The following PECR variants were observed in gnomAD, a reference collection of about 807,000 sequenced individuals.
The protein encoded by PECR is peroxisomal trans-2-enoyl-CoA reductase.
Under a neutral mutation model 35.3 loss-of-function variants are expected in PECR, and 30 were observed. The ratio of observed to expected loss-of-function variants is 0.85; its 90% CI spans 0.64 to 1.15. The LOEUF (loss-of-function observed/expected upper bound fraction) is 1.15. PECR is among the 50% of genes most tolerant of loss of function. PECR has a pLI of 0.00. For synonymous variants in PECR, 148 were observed against 138.9 expected, an observed-to-expected ratio of 1.07 and a Z score of -0.46; for missense variants, 392 against 370.8, an observed-to-expected ratio of 1.06 and a Z score of -0.47.
At chr2:216,029,968 A>G (rs903902517) in intron 7 of PECR, among the ~76,000 whole-genome samples, 29 of 152,308 alleles carry the variant, frequency 1.9e-4, no homozygotes, top group African/African-American at 6.5e-4. Flanking sequence ...TGGTGGTCAC[A>G]TGGGCTTCTC....
chr2:216,062,290 C>T (rs1315564027), intron 3 of PECR, among the ~76,000 whole-genome samples: 1 of 152,120 alleles, frequency 6.6e-6, no homozygotes, highest in African/African-American at 2.4e-5. Context: ...AAGTGATCCG[C>T]CCACCTCGGC....
chr2:216,040,463 A>G (rs1218319539), intron 7 of PECR, among the ~76,000 whole-genome samples: 1 of 152,140 alleles, frequency 6.6e-6, no homozygotes, highest in Non-Finnish European at 1.5e-5. Context: ...CAGGTTGCCC[A>G]GGCTGGTCTT....
intron 1 of PECR, among the ~76,000 whole-genome samples, chr2:216,080,418 ATTGAT>A (rs1159967699): frequency 6.6e-6 from 1 of 152,186 alleles, no homozygotes; most frequent in Non-Finnish European, 1.5e-5. Flanking sequence ...TTTCATTGTT[ATTGAT>A]TTAACTATTT....
At chr2:216,077,089 G>C (rs376494207) in intron 1 of PECR, among the ~76,000 whole-genome samples, 1 of 151,744 alleles carries the variant, frequency 6.6e-6, no homozygotes, top group Non-Finnish European at 1.5e-5. Context: ...AGTAGAGATG[G>C]GGTTTCTATA....
intron 7 of PECR, among the ~76,000 whole-genome samples, chr2:216,029,218 G>A (rs1020827680): frequency 6.6e-5 from 10 of 152,118 alleles, no homozygotes; most frequent in Admixed American, 4.6e-4. Flanking sequence ...GGTGGCTCAC[G>A]CCTGTAATCC....
chr2:216,063,826 T>G (rs548986816), intron 3 of PECR: 9 of 152,020 alleles, frequency 5.9e-5, no homozygotes, highest in Non-Finnish European at 8.8e-5. Context: ...CAAGAGATTC[T>G]CCTGCCTCAG....
At chr2:216,049,146 T>C in intron 6 of PECR, 117 bp downstream of exon 6, 1 of 760,422 alleles carries the variant, frequency 1.3e-6, no homozygotes, top group Non-Finnish European at 2.5e-6. Flanking sequence ...ACAGGGGAAA[T>C]GTTCTGCTGG....
intron 1 of PECR, among the ~76,000 whole-genome samples, chr2:216,077,066 A>G (rs1695718030): frequency 6.6e-6 from 1 of 151,578 alleles, no homozygotes; most frequent in African/African-American, 2.4e-5. Context: ...CGCCTGGCTA[A>G]TTTTGTATTT....
At chr2:216,060,010 C>G (rs998206975) in intron 3 of PECR, among the ~76,000 whole-genome samples, 1 of 152,208 alleles carries the variant, frequency 6.6e-6, no homozygotes, top group Non-Finnish European at 1.5e-5. Flanking sequence ...ATTGGACCTT[C>G]TAACCCATAA....
chr2:216,048,824 A>G (rs1356992268), intron 6 of PECR, among the ~76,000 whole-genome samples: 1 of 130,584 alleles, frequency 7.7e-6, no homozygotes, highest in African/African-American at 2.9e-5. Context: ...CCTGTAACAG[A>G]GTGAAACACT....
chr2:216,061,582 G>A (rs957637733), intron 3 of PECR, among the ~76,000 whole-genome samples: 23 of 151,892 alleles, frequency 1.5e-4, no homozygotes, highest in African/African-American at 5.6e-4. Context: ...TATATGAAGG[G>A]GTCTTGCCAG....
intron 1 of PECR, among the ~76,000 whole-genome samples, chr2:216,071,442 T>C (rs1373205058): frequency 1.3e-5 from 2 of 151,332 alleles, no homozygotes; most frequent in South Asian, 2.1e-4. Context: ...TGCAACAGTA[T>C]AGCAAAGAAA....
rs1438109560 is a variant in PECR, at chr2:216,081,598, C to CGT, written c.124+19_124+20insAC. The CGT allele has an allele frequency of 6.2e-7, 1 of 1,613,792 alleles. No homozygotes were observed. ...AGGTCACCACAGCCACCTCTCTGCA[C>CGT]CAGCGGCCCGCTCACGTACCCAGCT... On this transcript the variant is annotated intron_variant, in intron 1 of 7. Coordinates refer to ENST00000265322, the MANE Select transcript of PECR (RefSeq NM_018441.6).
rs757925677 is a variant in PECR, at chr2:216,039,323, A to C, written c.864T>G (p.Ser288=). The C allele has an allele frequency of 6.2e-7, 1 of 1,610,546 alleles. No homozygotes were observed. The highest frequency in any genetic ancestry group is 1.7e-5 in the Admixed American group (1 of 60,010). ...DNWPKGAGDL[S]VVKKMKETFK... ...AGGTCTCCTTCATCTTTTTGACAAC[A>C]GAAAGGTCCCCTGCTCCCTTGGGCC... Residue 288 remains serine, a synonymous_variant, in exon 8 of 8, where the codon TCT becomes TCG. Coordinates refer to ENST00000265322, the MANE Select transcript of PECR (RefSeq NM_018441.6).
At chr2:216,068,938 T>C (rs994061408) in intron 1 of PECR, among the ~76,000 whole-genome samples, 5 of 150,264 alleles carry the variant, frequency 3.3e-5, no homozygotes, top group Non-Finnish European at 4.4e-5. Context: ...AAAGCAAAAA[T>C]AATAACAACA....
At chr2:216,074,274 A>C (rs1327913629) in intron 1 of PECR, among the ~76,000 whole-genome samples, 5 of 151,988 alleles carry the variant, frequency 3.3e-5, no homozygotes, top group Non-Finnish European at 7.4e-5. Context: ...GTGAAACCCC[A>C]CCTCTACTAA....
intron 3 of PECR, among the ~76,000 whole-genome samples, chr2:216,060,762 AAGACAC>A (rs1408698738): frequency 1.3e-5 from 2 of 152,210 alleles, no homozygotes; most frequent in Non-Finnish European, 2.9e-5. Flanking sequence ...CCATTTCAAA[AAGACAC>A]AGAAGCCAGA....
chr2:216,029,217 C>T (rs988445850), intron 7 of PECR, among the ~76,000 whole-genome samples: 11 of 152,222 alleles, frequency 7.2e-5, no homozygotes, highest in African/African-American at 1.7e-4. Flanking sequence ...TGGTGGCTCA[C>T]GCCTGTAATC....
At chr2:216,052,954 A>G (rs1299628157) in intron 4 of PECR, among the ~76,000 whole-genome samples, 4 of 147,772 alleles carry the variant, frequency 2.7e-5, no homozygotes, top group African/African-American at 1.0e-4. Context: ...CCTGGGTTCA[A>G]GTGATTCTCC....
Sources: allele counts gnomAD v4.1 joint callset (sites outside exome capture counted in the v4.1 genomes callset), GRCh38; gene constraint gnomAD v4.1.1; transcripts MANE v1.5; gene names NCBI Gene and HGNC (gene_info 2026-07-23, HGNC 2026-07-21).